Variants in TAF3 observed in about 807,000 individuals in gnomAD.
The protein encoded by TAF3 is TATA-box binding protein associated factor 3.
A neutral mutation model predicts 80.6 loss-of-function variants in TAF3; 7 were observed. The ratio of observed to expected loss-of-function variants is 0.09; its 90% CI spans 0.05 to 0.16. The LOEUF is 0.16. Among genes scored for constraint, TAF3 ranks in the 10% least tolerant of loss-of-function variants. TAF3 has a pLI of 1.00. For missense variants in TAF3, 921 were observed against 1,140.2 expected (o/e 0.81, Z 2.77); for synonymous variants, 444 against 446.1 (o/e 1.00, Z 0.06).
intron 2 of TAF3, among the ~76,000 whole-genome samples, chr10:7,919,926 T>G (rs1457423768): frequency 1.3e-5 from 2 of 152,088 alleles, no homozygotes; most frequent in Non-Finnish European, 2.9e-5. Flanking sequence ...AATGAGTTTT[T>G]CATTTGTTGA....
At chr10:7,904,531 T>C (rs1418256942) in intron 2 of TAF3, among the ~76,000 whole-genome samples, 4 of 152,092 alleles carry the variant, frequency 2.6e-5, no homozygotes, top group African/African-American at 9.7e-5. Flanking sequence ...ATTAAATGAC[T>C]GAGAAATAAT....
At chr10:7,851,407 G>A (rs1416411865) in intron 2 of TAF3, among the ~76,000 whole-genome samples, 1 of 152,144 alleles carries the variant, frequency 6.6e-6, no homozygotes, top group Non-Finnish European at 1.5e-5. Flanking sequence ...GGAGAGGAGG[G>A]ATCAAGAGGT....
intron 2 of TAF3, among the ~76,000 whole-genome samples, chr10:7,922,369 T>C (rs1837771137): frequency 6.6e-6 from 1 of 152,096 alleles, no homozygotes; most frequent in East Asian, 1.9e-4. Context: ...GACTTTTCCA[T>C]TGTGAATGTT....
intron 2 of TAF3, among the ~76,000 whole-genome samples, chr10:7,861,567 A>G (rs565393293): frequency 7.2e-5 from 11 of 152,308 alleles, no homozygotes; most frequent in Admixed American, 6.5e-4. Flanking sequence ...ATAAAAAATG[A>G]TTATATAATT....
chr10:7,939,615 CACACA>C (rs1185177621), intron 2 of TAF3, among the ~76,000 whole-genome samples: 6 of 147,962 alleles, frequency 4.1e-5, no homozygotes, highest in East Asian at 2.0e-4. Flanking sequence ...CACACACACA[CACACA>C]CCTCTACCTA....
intron 2 of TAF3, among the ~76,000 whole-genome samples, chr10:7,863,646 T>TACACAC (rs1189904667): frequency 2.6e-5 from 2 of 76,818 alleles, no homozygotes; most frequent in East Asian, 8.7e-4. Context: ...TATATATATA[T>TACACAC]ACACACACAC....
intron 2 of TAF3, among the ~76,000 whole-genome samples, chr10:7,890,057 A>G (rs563428584): frequency 6.6e-6 from 1 of 152,354 alleles, no homozygotes; most frequent in South Asian, 2.1e-4. Context: ...ACTTCCAGAT[A>G]AAAATCAAAC....
At chr10:7,904,082 A>G (rs1837584477) in intron 2 of TAF3, among the ~76,000 whole-genome samples, 1 of 152,224 alleles carries the variant, frequency 6.6e-6, no homozygotes, top group Non-Finnish European at 1.5e-5. Context: ...CAGTGCTAGA[A>G]GTAAGAAGAA....
At chr10:7,894,057 TTTA>T (rs1837483066) in intron 2 of TAF3, among the ~76,000 whole-genome samples, 1 of 152,210 alleles carries the variant, frequency 6.6e-6, no homozygotes, top group Non-Finnish European at 1.5e-5. Context: ...CACATTTTGT[TTTA>T]TTAGTACTAA....
chr10:7,991,711 C>G (rs1588579314), intron 4 of TAF3, among the ~76,000 whole-genome samples: 2 of 152,158 alleles, frequency 1.3e-5, no homozygotes, highest in Middle Eastern at 6.8e-3. Context: ...TATATATACA[C>G]TATATTTTTT....
intron 2 of TAF3, among the ~76,000 whole-genome samples, chr10:7,897,010 G>T (rs139829754): frequency 0.012 from 1,838 of 152,256 alleles, 25 homozygotes; most frequent in Middle Eastern, 0.048. Flanking sequence ...AGAGGCTGCC[G>T]ACATTCTTGA....
chr10:7,886,202 T>A (rs893933179), intron 2 of TAF3, among the ~76,000 whole-genome samples: 11 of 152,214 alleles, frequency 7.2e-5, no homozygotes, highest in African/African-American at 2.6e-4. Flanking sequence ...GTGCTGGGTT[T>A]ACAGGTGTAA....
At chr10:7,854,396 G>A (rs1296346112) in intron 2 of TAF3, among the ~76,000 whole-genome samples, 6 of 152,182 alleles carry the variant, frequency 3.9e-5, no homozygotes, top group South Asian at 4.1e-4. Context: ...ACTGTTATGC[G>A]AGCCGCAGCG....
intron 4 of TAF3, among the ~76,000 whole-genome samples, chr10:8,002,938 T>C (rs1194184227): frequency 6.6e-6 from 1 of 152,200 alleles, no homozygotes; most frequent in Non-Finnish European, 1.5e-5. Context: ...GGAAGTAGCC[T>C]TTATTATCAC....
intron 4 of TAF3, among the ~76,000 whole-genome samples, chr10:7,997,476 T>C (rs765378534): frequency 3.9e-5 from 6 of 152,248 alleles, no homozygotes; most frequent in Admixed American, 6.5e-5. Flanking sequence ...GGGCTCTTTA[T>C]TGACTTGACA....
At chr10:7,977,952 T>C (rs1831689789) in intron 4 of TAF3, among the ~76,000 whole-genome samples, 2 of 152,362 alleles carry the variant, frequency 1.3e-5, no homozygotes, top group East Asian at 1.9e-4. Context: ...GATATTTTTC[T>C]TTTATTCATT....
At chr10:7,939,753 T>C (rs1205218977) in intron 2 of TAF3, among the ~76,000 whole-genome samples, 2 of 151,848 alleles carry the variant, frequency 1.3e-5, no homozygotes, top group Non-Finnish European at 2.9e-5. Flanking sequence ...GTTTTTAAGA[T>C]AAAGTCAAGG....
rs1484945151 is a variant in TAF3 at position 8,014,658 on chromosome 10, T to C, written c.2697T>C (p.Thr899=). 1.2e-6 allele frequency: 2 copies of C among 1,613,218 alleles called. No individual in the cohort carries two copies. Among genetic ancestry groups the C allele is most frequent in the Non-Finnish European group, 1.7e-6 (2 of 1,179,574 alleles). ...WYHWPCVGIM[T]APPEEMQWFC... ...GCAGGCCCTGTGTTGGAATCATGACTGCACCCCCAGAAGAGATGCAGTGGT... is the reference window on the plus strand; with the variant it reads ...GCAGGCCCTGTGTTGGAATCATGACCGCACCCCCAGAAGAGATGCAGTGGT... The change falls in exon 7 of 7, where the codon ACT becomes ACC. Residue 899 remains threonine, a synonymous_variant. Transcript: ENST00000344293.
chr10:7,899,051 C>T (rs1837534638), intron 2 of TAF3, among the ~76,000 whole-genome samples: 1 of 152,132 alleles, frequency 6.6e-6, no homozygotes. Context: ...CCCAATCTAC[C>T]TGGAAGGGAG....
Sources: gnomAD v4.1 joint callset for allele counts (sites outside exome capture counted in the v4.1 genomes callset) on GRCh38, gnomAD v4.1.1 for gene constraint, MANE v1.5 for transcripts, NCBI Gene and HGNC (gene_info 2026-07-23, HGNC 2026-07-21) for gene names.